Variants in HSF2BP observed in about 807,000 individuals in gnomAD.
HSF2BP encodes the protein heat shock transcription factor 2 binding protein.
In HSF2BP, 35 loss-of-function variants were observed where a neutral mutation model predicts 35.0. The observed-to-expected ratio is 1.00, with a 90% CI of 0.76 to 1.32. The LOEUF (loss-of-function observed/expected upper bound fraction) is 1.32, where lower values mean the gene tolerates loss of function less well. Ranked by LOEUF, HSF2BP falls within the 40% of genes most tolerant of loss-of-function variation. The probability of loss-of-function intolerance (pLI) is 0.00; values close to 1 mark genes in which losing one functional copy is unlikely to be tolerated. For missense variants in HSF2BP, 326 were observed against 321.7 expected, an observed-to-expected ratio of 1.01 and a Z score of -0.10; for synonymous variants, 114 against 117.4, an observed-to-expected ratio of 0.97 and a Z score of 0.18.
chr21:43,577,227 T>C (rs1056128962), intron 8 of HSF2BP, among the ~76,000 whole-genome samples: 1 of 152,220 alleles, frequency 6.6e-6, no homozygotes, highest in African/African-American at 2.4e-5. Context: ...GCTGGCAGGA[T>C]ATGTTTTTAA....
In HSF2BP at chr21:43,592,174, G is replaced by A. The variant is rs751595347; in HGVS notation, c.796+51C>T. ...AACGTATGCCCCGTGGATAAGGGAG[G>A]ACTACTGCATAACCCGTACAAGCAG... On this transcript the variant is annotated intron_variant, in intron 8 of 8. Transcript: ENST00000291560. The A allele has an allele frequency of 3.3e-6, 4 of 1,203,562 alleles. No homozygotes were observed. In the African/African-American group the frequency reaches 4.5e-5, roughly 14 times the overall value. The allele number at this position is 1,203,562 out of a possible 1,614,324, so 74.6% of individuals were successfully genotyped here. A position where few individuals can be genotyped will look rare whatever the true frequency, so the allele number is the denominator to read the frequency against.
chr21:43,647,372 G>A (rs946748840), intron 3 of HSF2BP, among the ~76,000 whole-genome samples: 4 of 151,950 alleles, frequency 2.6e-5, no homozygotes, highest in Admixed American at 2.0e-4. Context: ...GACTACAGGC[G>A]CCTGCCACCA....
chr21:43,597,768 C>T lies in HSF2BP; in HGVS notation c.693-5440G>A, dbSNP rs1339634299. On this transcript the variant is annotated intron_variant, in intron 7 of 8. Transcript: ENST00000291560. This position sits in a 1 kb window ranked among gnomAD's most constrained non-coding sequence, Gnocchi z 4.3. ...TCGGCCTCAGGCAATTTTCCCACGTCGGCCTCCCAAAGTGCTGGGATTACA... is the reference window on the plus strand; with the variant it reads ...TCGGCCTCAGGCAATTTTCCCACGTTGGCCTCCCAAAGTGCTGGGATTACA... Among the ~76,000 whole-genome samples, 2 of 152,180 alleles carry T rather than the reference C, an allele frequency of 1.3e-5. No homozygotes were observed. Among genetic ancestry groups the T allele is most frequent in the African/African-American group, 4.8e-5 (2 of 41,438 alleles).
chr21:43,635,078 C>CAAA (rs367853157), intron 4 of HSF2BP, among the ~76,000 whole-genome samples: 18 of 145,380 alleles, frequency 1.2e-4, no homozygotes, highest in African/African-American at 4.5e-4. Flanking sequence ...ATAATAATAT[C>CAAA]AAAAAAAAAA....
chr21:43,619,855 G>A (rs573626083), intron 6 of HSF2BP, among the ~76,000 whole-genome samples: 18 of 152,344 alleles, frequency 1.2e-4, no homozygotes, highest in African/African-American at 3.4e-4. Flanking sequence ...AAATCAGAGC[G>A]GCTGTTCAGC....
chr21:43,628,980 G>A (rs999745135), intron 6 of HSF2BP, among the ~76,000 whole-genome samples: 1 of 152,060 alleles, frequency 6.6e-6, no homozygotes, highest in Non-Finnish European at 1.5e-5. Context: ...CTACTGCTCA[G>A]AAAAAAAGAT....
intron 4 of HSF2BP, 94 bp downstream of exon 4, chr21:43,644,195 G>A: frequency 1.2e-6 from 1 of 823,654 alleles, no homozygotes. Flanking sequence ...AGGATTAAGA[G>A]TAAAAAATTC....
chr21:43,604,637 GCACACACACCACACACACACCACA>G (rs1568905381), intron 7 of HSF2BP, among the ~76,000 whole-genome samples: 2 of 100,564 alleles, frequency 2.0e-5, no homozygotes, highest in Non-Finnish European at 3.9e-5. Context: ...CAATCATACA[GCACACACACCACACACACACCACA>G]CACACACACC....
chr21:43,641,189 C>T (rs1331074265), intron 4 of HSF2BP, among the ~76,000 whole-genome samples: 4 of 152,078 alleles, frequency 2.6e-5, no homozygotes, highest in African/African-American at 9.7e-5. Context: ...TTAGTAGAAA[C>T]GGGGTTTCAC....
intron 6 of HSF2BP, among the ~76,000 whole-genome samples, chr21:43,618,894 G>A (rs2082300882): frequency 6.6e-6 from 1 of 151,270 alleles, no homozygotes; most frequent in South Asian, 2.1e-4. Flanking sequence ...GCAGTGAGTG[G>A]AGATCGCACT....
chr21:43,657,248 TACGCAGCAGGCTG>T (rs1413309766), intron 2 of HSF2BP, among the ~76,000 whole-genome samples: 2 of 152,156 alleles, frequency 1.3e-5, no homozygotes, highest in Non-Finnish European at 2.9e-5. Context: ...CCGGCGCCTG[TACGCAGCAGGCTG>T]ACACGGGAAG....
intron 3 of HSF2BP, among the ~76,000 whole-genome samples, chr21:43,646,014 C>T (rs1178627735): frequency 6.6e-6 from 1 of 152,024 alleles, no homozygotes; most frequent in East Asian, 1.9e-4. Context: ...CAAAGCTTCT[C>T]ATAAAATGCG....
intron 3 of HSF2BP, among the ~76,000 whole-genome samples, chr21:43,644,914 A>T (rs1333384882): frequency 6.6e-6 from 1 of 152,182 alleles, no homozygotes; most frequent in East Asian, 1.9e-4. Context: ...GCTATAGTGA[A>T]AGAGTGGAAA....
At chr21:43,636,213 GAAAAGAAAAGAA>G (rs2082553638) in intron 4 of HSF2BP, among the ~76,000 whole-genome samples, 1 of 19,514 alleles carries the variant, frequency 5.1e-5, no homozygotes, top group African/African-American at 5.2e-4. Context: ...AGAAAGAAAA[GAAAAGAAAAGAA>G]AAGAAAAGAA....
chr21:43,628,533 T>C (rs2082415886), intron 6 of HSF2BP, among the ~76,000 whole-genome samples: 1 of 152,230 alleles, frequency 6.6e-6, no homozygotes, highest in Non-Finnish European at 1.5e-5. Flanking sequence ...TCATGAGGTT[T>C]AAGGAAAGAA....
Position 43,633,359 on chromosome 21 carries a change from C to T in HSF2BP, c.354G>A (p.Glu118=). 6.2e-7 allele frequency: 1 copy of T among 1,614,078 alleles called. No individual in the cohort carries two copies. The highest frequency in any genetic ancestry group is 8.5e-7 in the Non-Finnish European group (1 of 1,179,984). The part of the protein sequence containing the change: ...EAKQQLLQQA[E]YCTEMGAAAC... ...CTGCTGCTCCCATTTCTGTACAATA[C>T]TCTGCCTGCTGCAGGAGTTGCTGCT... is the stretch of plus-strand genomic sequence containing the variant. Residue 118 remains glutamate (E), a synonymous_variant, in exon 5 of 9, where the codon GAG becomes GAA. Transcript: ENST00000291560.
chr21:43,613,781 T>A (rs922048533), intron 7 of HSF2BP, 49 bp downstream of exon 7: 2 of 1,248,438 alleles, frequency 1.6e-6, no homozygotes, highest in Non-Finnish European at 2.4e-6. Context: ...ATCAGCACAG[T>A]CTAATTAATA....
intron 3 of HSF2BP, among the ~76,000 whole-genome samples, chr21:43,654,224 C>T (rs2082835156): frequency 6.6e-6 from 1 of 152,192 alleles, no homozygotes; most frequent in South Asian, 2.1e-4. Flanking sequence ...AAATCCCAGA[C>T]TCGCACAAAT....
At chr21:43,605,097 T>C (rs577387175) in intron 7 of HSF2BP, among the ~76,000 whole-genome samples, 5 of 114,556 alleles carry the variant, frequency 4.4e-5, no homozygotes, top group East Asian at 2.9e-4. Context: ...ACAACACACA[T>C]ACATCACACA....
Sources: gnomAD v4.1 joint callset for allele counts (sites outside exome capture counted in the v4.1 genomes callset) on GRCh38, gnomAD v4.1.1 for gene constraint, Gnocchi (gnomAD v3.1) non-coding constraint, MANE v1.5 for transcripts, NCBI Gene and HGNC (gene_info 2026-07-23, HGNC 2026-07-21) for gene names.